RANBP17: variants seen among roughly 807,000 people sequenced by gnomAD.
RANBP17 encodes the protein ran-binding protein 17.
RANBP17 carries 158 observed loss-of-function variants against 141.2 expected under a neutral mutation model. The observed-to-expected ratio is 1.12, with a 90% CI of 0.98 to 1.28. RANBP17 has a LOEUF of 1.28. RANBP17 is among the 50% of genes most tolerant of loss of function. The pLI is 0.00. For missense variants in RANBP17, 1,438 were observed against 1,290.7 expected, an observed-to-expected ratio of 1.11 and a Z score of -1.75; for synonymous variants, 430 against 450.0, an observed-to-expected ratio of 0.96 and a Z score of 0.56.
intron 14 of RANBP17, among the ~76,000 whole-genome samples, chr5:171,077,199 G>C (rs1019571139): frequency 2.6e-5 from 4 of 152,114 alleles, no homozygotes. Flanking sequence ...AATTAGCCGG[G>C]TGTGGTGGCG....
At chr5:171,201,365 C>T (rs1197372078) in intron 19 of RANBP17, among the ~76,000 whole-genome samples, 1 of 152,180 alleles carries the variant, frequency 6.6e-6, no homozygotes, top group East Asian at 1.9e-4. Context: ...GCTGTGTAGG[C>T]AACAGCTACT....
intron 14 of RANBP17, among the ~76,000 whole-genome samples, chr5:171,091,303 G>C (rs1305700468): frequency 6.6e-6 from 1 of 152,208 alleles, no homozygotes; most frequent in African/African-American, 2.4e-5. Context: ...CTGGATTTCA[G>C]ATTTGCATGG....
At chr5:171,197,752 C>T (rs992695781) in intron 18 of RANBP17, among the ~76,000 whole-genome samples, 1 of 152,122 alleles carries the variant, frequency 6.6e-6, no homozygotes, top group Non-Finnish European at 1.5e-5. Context: ...AGTTAAGAGC[C>T]AGGCGGCCGG....
intron 14 of RANBP17, among the ~76,000 whole-genome samples, chr5:171,050,632 A>G (rs1782895311): frequency 6.6e-6 from 1 of 152,144 alleles, no homozygotes; most frequent in African/African-American, 2.4e-5. Context: ...GCTTGATTGC[A>G]GGAGTGAGAT....
chr5:170,903,324 G>T (rs181472058), intron 5 of RANBP17, among the ~76,000 whole-genome samples: 3 of 152,294 alleles, frequency 2.0e-5, no homozygotes, highest in Middle Eastern at 3.4e-3. Flanking sequence ...AATGGTGGAC[G>T]CCCCTCCCCC....
At chr5:171,238,401 A>G (rs1764673193) in intron 22 of RANBP17, among the ~76,000 whole-genome samples, 1 of 152,152 alleles carries the variant, frequency 6.6e-6, no homozygotes, top group Non-Finnish European at 1.5e-5. Flanking sequence ...TCTTGATGAT[A>G]GATTATGCAG....
At position 170,968,237 on chromosome 5, in the gene RANBP17, T is replaced by C. The variant is rs1236581567; in HGVS notation, c.1575-5T>C. On this transcript the variant is annotated splice_polypyrimidine_tract_variant and splice_region_variant and intron_variant, in intron 13 of 27. Coordinates refer to ENST00000523189, the MANE Select transcript of RANBP17 (RefSeq NM_022897.5). ...AGGTTTTTTTTTTATTTTCCCTTCA[T>C]GAAGAGTTTTTCAGCTTATATCTTT... 1.9e-6 allele frequency: 3 copies of C among 1,549,108 alleles called. No homozygotes were observed. Among genetic ancestry groups the C allele is most frequent in the Non-Finnish European group, 2.6e-6 (3 of 1,157,894 alleles).
At chr5:171,194,241 C>T (rs745938521) in intron 18 of RANBP17, among the ~76,000 whole-genome samples, 5 of 152,054 alleles carry the variant, frequency 3.3e-5, no homozygotes, top group African/African-American at 7.2e-5. Context: ...TTGTAAAGTA[C>T]GTAATTCATT....
intron 14 of RANBP17, among the ~76,000 whole-genome samples, chr5:171,148,912 A>T (rs1481423926): frequency 6.6e-6 from 1 of 152,364 alleles, no homozygotes; most frequent in South Asian, 2.1e-4. Flanking sequence ...AGTGCTTAGC[A>T]TAGTGCTTGC....
rs190062072 is a variant in RANBP17 at position 171,030,385 on chromosome 5, G to C, written c.1710+62008G>C. 1.3e-3 allele frequency among the ~76,000 whole-genome samples: 199 copies of C among 152,096 alleles called. 1 individual carries two copies. Among genetic ancestry groups the C allele is most frequent in the African/African-American group, 4.7e-3 (194 of 41,542 alleles). ...GGACAACTAAGTTAGTATGGACTTA[G>C]AAATTGTTGGGTACAAACCCTGTGT... On this transcript the variant is annotated intron_variant, in intron 14 of 27. Coordinates refer to ENST00000523189, the MANE Select transcript of RANBP17 (RefSeq NM_022897.5).
intron 14 of RANBP17, among the ~76,000 whole-genome samples, chr5:171,085,489 A>G (rs1232493388): frequency 1.8e-5 from 1 of 54,878 alleles, no homozygotes; most frequent in Non-Finnish European, 3.9e-5. Context: ...GTTTTTTCCA[A>G]TTCTGTGAAG....
intron 11 of RANBP17, among the ~76,000 whole-genome samples, chr5:170,921,938 T>G (rs1015437840): frequency 6.6e-6 from 1 of 152,222 alleles, no homozygotes; most frequent in Non-Finnish European, 1.5e-5. Context: ...TCAGCTTTTC[T>G]GCTCTGGTTT....
At chr5:170,996,232 G>A (rs1440211945) in intron 14 of RANBP17, among the ~76,000 whole-genome samples, 1 of 152,210 alleles carries the variant, frequency 6.6e-6, no homozygotes, top group African/African-American at 2.4e-5. Flanking sequence ...GTTATTAAGT[G>A]TTAGTTAAAG....
intron 14 of RANBP17, among the ~76,000 whole-genome samples, chr5:171,082,746 T>C (rs76207062): frequency 6.6e-6 from 1 of 152,168 alleles, no homozygotes; most frequent in Non-Finnish European, 1.5e-5. Context: ...GTGAAAGAAT[T>C]TGAATTCTTA....
At chr5:171,190,986 C>T (rs969892976) in intron 18 of RANBP17, among the ~76,000 whole-genome samples, 1 of 152,056 alleles carries the variant, frequency 6.6e-6, no homozygotes, top group Non-Finnish European at 1.5e-5. Context: ...ATGCATTCCT[C>T]GGGTATTTAA....
chr5:170,888,479 TACTA>T (rs1369354737), intron 3 of RANBP17, among the ~76,000 whole-genome samples: 1 of 152,200 alleles, frequency 6.6e-6, no homozygotes, highest in African/African-American at 2.4e-5. Context: ...TTTTTGAGGG[TACTA>T]ATGTAAGTTA....
chr5:171,284,693 A>G (rs1243715719), intron 25 of RANBP17: 1 of 152,134 alleles, frequency 6.6e-6, no homozygotes, highest in Non-Finnish European at 1.5e-5. Context: ...TGCTTCTTAG[A>G]AGTATTTCAC....
chr5:171,238,062 G>A (rs762208151), intron 22 of RANBP17, among the ~76,000 whole-genome samples: 1 of 152,058 alleles, frequency 6.6e-6, no homozygotes, highest in East Asian at 1.9e-4. Flanking sequence ...TTTTATTATC[G>A]CCATGGAATG....
intron 14 of RANBP17, among the ~76,000 whole-genome samples, chr5:171,025,545 C>G (rs1038294475): frequency 8.0e-5 from 12 of 150,918 alleles, no homozygotes; most frequent in Non-Finnish European, 1.6e-4. Flanking sequence ...CTTAGGTTCT[C>G]ATATTATTTT....
Sources: allele counts gnomAD v4.1 joint callset (sites outside exome capture counted in the v4.1 genomes callset), GRCh38; gene constraint gnomAD v4.1.1; transcripts MANE v1.5; gene names NCBI Gene and HGNC (gene_info 2026-07-23, HGNC 2026-07-21).